PALM2AKAP2: variants seen among roughly 807,000 people sequenced by gnomAD.
PALM2AKAP2 encodes PALM2-AKAP2 fusion protein.
Under a neutral mutation model 71.5 loss-of-function variants are expected in PALM2AKAP2, and 37 were observed. The observed-to-expected ratio is 0.52, with a 90% CI of 0.40 to 0.68. The LOEUF is 0.68. PALM2AKAP2 is among the 30% of genes least tolerant of loss of function. The probability of loss-of-function intolerance (pLI) is 0.00; values close to 1 mark genes in which losing one functional copy is unlikely to be tolerated. For missense variants in PALM2AKAP2, 1,224 were observed against 1,191.8 expected (o/e 1.03, Z -0.40); for synonymous variants, 468 against 478.8 (o/e 0.98, Z 0.29).
At chr9:109,734,280 A>G (rs1300538181) in intron 1 of PALM2AKAP2, among the ~76,000 whole-genome samples, 1 of 152,130 alleles carries the variant, frequency 6.6e-6, no homozygotes, top group African/African-American at 2.4e-5. Flanking sequence ...ATCAATCTAG[A>G]CTATCACTTA....
intron 1 of PALM2AKAP2, among the ~76,000 whole-genome samples, chr9:109,768,801 G>A (rs1273824627): frequency 6.6e-6 from 1 of 152,164 alleles, no homozygotes; most frequent in Non-Finnish European, 1.5e-5. Context: ...CAGTAATATA[G>A]TCAGCACCAT....
At chr9:109,719,356 G>C (rs1448565061) in intron 1 of PALM2AKAP2, among the ~76,000 whole-genome samples, 1 of 152,134 alleles carries the variant, frequency 6.6e-6, no homozygotes, top group Non-Finnish European at 1.5e-5. Context: ...GGCTAATTCT[G>C]CTACAAATGC....
intron 1 of PALM2AKAP2, among the ~76,000 whole-genome samples, chr9:109,713,919 T>C (rs1828278701): frequency 6.6e-6 from 1 of 152,196 alleles, no homozygotes. Context: ...TAATATTAGC[T>C]CATCAACTGT....
intron 7 of PALM2AKAP2, among the ~76,000 whole-genome samples, chr9:110,030,691 C>G (rs1228731426): frequency 2.0e-5 from 3 of 152,248 alleles, no homozygotes; most frequent in Non-Finnish European, 4.4e-5. Flanking sequence ...CCATCTCTTT[C>G]TCCTACCCAT....
At chr9:110,049,834 G>C (rs534732149) in intron 1 of PALM2AKAP2, among the ~76,000 whole-genome samples, 3 of 152,336 alleles carry the variant, frequency 2.0e-5, no homozygotes, top group Non-Finnish European at 4.4e-5. Flanking sequence ...GCCGGGTGAG[G>C]ACTGAAGGCA....
At chr9:109,734,608 G>A (rs749702589) in intron 1 of PALM2AKAP2, among the ~76,000 whole-genome samples, 1 of 152,128 alleles carries the variant, frequency 6.6e-6, no homozygotes, top group Non-Finnish European at 1.5e-5. Flanking sequence ...CAAGAGAAGA[G>A]TCCTTTAGAG....
Position 109,997,002 on chromosome 9 carries a change from A to G in PALM2AKAP2, c.497-18952A>G, listed in dbSNP as rs185500719. 3.3e-5 allele frequency among the ~76,000 whole-genome samples: 5 copies of G among 152,294 alleles called. No individual in the cohort carries two copies. In the East Asian group the frequency reaches 9.7e-4, roughly 29 times the overall value. ...CCAGGAGTTCAAGACCAGCCTGGCG[A>G]ACGTGGTGAGACCCCATCTCTACTA... On this transcript the variant is annotated intron_variant, in intron 6 of 9. Coordinates refer to the PALM2AKAP2 transcript ENST00000302798.
chr9:110,074,133 A>G (rs1252009043), intron 1 of PALM2AKAP2, among the ~76,000 whole-genome samples: 1 of 152,198 alleles, frequency 6.6e-6, no homozygotes, highest in African/African-American at 2.4e-5. Flanking sequence ...ATCATGAGGA[A>G]ATATCAGGTA....
At chr9:109,711,085 AG>A (rs1828227812) in intron 1 of PALM2AKAP2, among the ~76,000 whole-genome samples, 1 of 152,198 alleles carries the variant, frequency 6.6e-6, no homozygotes, top group Non-Finnish European at 1.5e-5. Flanking sequence ...AGTGGAAAAA[AG>A]GTTCTTTATT....
rs562063193 is a variant in PALM2AKAP2 at position 109,787,029 on chromosome 9, A to G, written c.45+6496A>G. 5.3e-5 allele frequency among the ~76,000 whole-genome samples: 8 copies of G among 152,342 alleles called. No individual in the cohort carries two copies. The South Asian group carries it at 1.0e-3, about 20-fold the overall frequency. The stretch of plus-strand genomic sequence containing the variant: ...CAGTAAGAGTTGGTCATTCTGTGGC[A>G]TGAAATTGACTGAGACAGCAGATGG... On this transcript the variant is annotated intron_variant, in intron 1 of 9. Transcript: ENST00000302798.
intron 1 of PALM2AKAP2, among the ~76,000 whole-genome samples, chr9:109,748,715 A>G (rs1350872488): frequency 6.6e-6 from 1 of 152,174 alleles, no homozygotes; most frequent in Non-Finnish European, 1.5e-5. Context: ...CTAGGCTGCC[A>G]TAACAAAGTA....
chr9:110,130,816 C>T (rs1835717339), intron 1 of PALM2AKAP2, among the ~76,000 whole-genome samples: 1 of 152,210 alleles, frequency 6.6e-6, no homozygotes, highest in Non-Finnish European at 1.5e-5. Context: ...GCTCTATTGG[C>T]ATATCCCCTT....
chr9:110,030,675 C>G (rs1033616770), intron 7 of PALM2AKAP2, among the ~76,000 whole-genome samples: 5 of 152,190 alleles, frequency 3.3e-5, no homozygotes, highest in Non-Finnish European at 5.9e-5. Flanking sequence ...TTATCCAATG[C>G]CTTTCCCATC....
chr9:109,687,811 T>C (rs1481642311), intron 1 of PALM2AKAP2, among the ~76,000 whole-genome samples: 1 of 152,262 alleles, frequency 6.6e-6, no homozygotes, highest in African/African-American at 2.4e-5. Context: ...CCTTTCTCAC[T>C]AAGCTTAGTT....
intron 1 of PALM2AKAP2, among the ~76,000 whole-genome samples, chr9:109,700,049 C>T (rs890660734): frequency 5.9e-5 from 9 of 152,158 alleles, no homozygotes; most frequent in Admixed American, 2.6e-4. Flanking sequence ...GCTGAGATTA[C>T]AGGCTTGAGC....
chr9:110,141,349 A>G (rs1178966029), intron 2 of PALM2AKAP2, among the ~76,000 whole-genome samples: 1 of 152,094 alleles, frequency 6.6e-6, no homozygotes, highest in African/African-American at 2.4e-5. Flanking sequence ...GTCTGTTCCA[A>G]TCTTGATGTC....
chr9:110,033,099 C>T (rs989286096), intron 7 of PALM2AKAP2, among the ~76,000 whole-genome samples: 1 of 152,146 alleles, frequency 6.6e-6, no homozygotes, highest in African/African-American at 2.4e-5. Flanking sequence ...AACATTCATC[C>T]ACTAAGAATT....
intron 3 of PALM2AKAP2, among the ~76,000 whole-genome samples, chr9:110,163,503 G>A (rs934627718): frequency 2.0e-4 from 30 of 152,074 alleles, no homozygotes; most frequent in African/African-American, 7.2e-4. Flanking sequence ...TTACAATCTC[G>A]CAGAGGTAAC....
At chr9:109,755,697 C>T (rs190390206) in intron 1 of PALM2AKAP2, among the ~76,000 whole-genome samples, 1,655 of 151,902 alleles carry the variant, frequency 0.011, 20 homozygotes, top group Admixed American at 0.03. Flanking sequence ...CCAGCCCCCA[C>T]CTCCACCCCC....
Sources: allele counts gnomAD v4.1 joint callset (sites outside exome capture counted in the v4.1 genomes callset), GRCh38; gene constraint gnomAD v4.1.1; transcripts MANE v1.5; gene names NCBI Gene and HGNC (gene_info 2026-07-23, HGNC 2026-07-21).